Variants in FBN3 observed in about 807,000 individuals in gnomAD.
FBN3 encodes the protein fibrillin-3.
A neutral mutation model predicts 330.1 loss-of-function variants in FBN3; 234 were observed. The ratio of observed to expected loss-of-function variants is 0.71; its 90% CI spans 0.64 to 0.79. The LOEUF (loss-of-function observed/expected upper bound fraction) is 0.79, where lower values mean the gene tolerates loss of function less well. Among genes scored for constraint, FBN3 ranks in the 30% least tolerant of loss-of-function variants. FBN3 has a pLI of 0.00. For synonymous variants in FBN3, 1,458 were observed against 1,517.3 expected (o/e 0.96, Z 0.91); for missense variants, 3,606 against 3,886.9 (o/e 0.93, Z 1.92).
chr19:8,076,015 G>A (rs2145383587), intron 59 of FBN3, among the ~76,000 whole-genome samples: 1 of 152,274 alleles, frequency 6.6e-6, no homozygotes, highest in South Asian at 2.1e-4. Context: ...ATAAGGTCAT[G>A]AGGGTAGGGC....
Position 8,096,008 on chromosome 19 carries a change from AG to A in FBN3, c.5611del (p.Leu1871SerfsTer8). ...CKNIIGSYNC[L>X]CFPGFVVTHN... ...TGTCACCACAAAGCCAGGGAAGCAG[AG>A]GCAGTTGTAGGAGCCAATGATGTTC... On this transcript the variant is annotated frameshift_variant, in exon 45 of 64. Coordinates refer to ENST00000600128, the MANE Select transcript of FBN3 (RefSeq NM_032447.5). LOFTEE classifies it high-confidence loss of function. The surrounding 1 kb of genome is among the most constrained non-coding windows in gnomAD (Gnocchi z 4.6). 1 of 1,614,012 alleles carries A rather than the reference AG, an allele frequency of 6.2e-7. No individual in the cohort carries two copies.
intron 54 of FBN3, among the ~76,000 whole-genome samples, chr19:8,086,757 C>T (rs890413308): frequency 3.5e-4 from 53 of 151,488 alleles, no homozygotes; most frequent in Non-Finnish European, 6.9e-4. Flanking sequence ...CGTGAGGCAC[C>T]GTGCCCAGCC....
In FBN3 at chr19:8,072,198, C is replaced by T; in HGVS notation, c.7938G>A (p.Gly2646=). 1.3e-6 allele frequency: 2 copies of T among 1,535,196 alleles called. No individual in the cohort carries two copies. The highest frequency in any genetic ancestry group is 1.2e-5 in the South Asian group (1 of 80,484). The change falls in exon 63 of 64, where the codon GGG becomes GGA. Residue 2646 remains glycine, a splice_region_variant and synonymous_variant. Transcript: ENST00000600128. ...CPQGYFRAGQ[G]HCVSGLGFSP... ...TGAAGCCCAGGCCGGAGACACAGTGCCTGGGCCAGGATGGGCAGGGTGGAG... is the reference window on the plus strand; with the variant it reads ...TGAAGCCCAGGCCGGAGACACAGTGTCTGGGCCAGGATGGGCAGGGTGGAG...
intron 26 of FBN3, among the ~76,000 whole-genome samples, chr19:8,118,654 C>T (rs1254153581): frequency 1.3e-5 from 2 of 152,066 alleles, no homozygotes; most frequent in Admixed American, 1.3e-4. Context: ...TGCCCTTGTA[C>T]AGACACTCAC....
In FBN3 at chr19:8,081,091, G is replaced by C; in HGVS notation, c.7365C>G (p.His2455Gln). 6.2e-7 allele frequency: 1 copy of C among 1,613,826 alleles called. No individual in the cohort carries two copies. Among genetic ancestry groups the C allele is most frequent in the South Asian group, 1.1e-5 (1 of 91,080 alleles). Residue 2455 changes from histidine (H) to glutamine (Q), a missense_variant, in exon 59 of 64, where the codon CAC becomes CAG. Physicochemically the swap from His to Gln is conservative, Grantham distance 24. Coordinates refer to ENST00000600128, the MANE Select transcript of FBN3 (RefSeq NM_032447.5). ...TGTTGACACAGAGGAACTGACAGTT[G>C]TGCTGCCGGGAGGTGCATTCGTCCA... Reference protein sequence around the residue: ...KDLDECTSRQHNCQFLCVNTV... With the variant: ...KDLDECTSRQQNCQFLCVNTV...
At chr19:8,141,914 CA>C (rs1262321537) in intron 7 of FBN3, 25 bp downstream of exon 7, 1 of 1,613,158 alleles carries the variant, frequency 6.2e-7, no homozygotes, top group South Asian at 1.1e-5. Context: ...TAAGGCCTCC[CA>C]CTCAGCCCTG....
chr19:8,080,996 C>T lies in FBN3; in HGVS notation c.7453+7G>A, dbSNP rs766149664. ...TCACCTCCCGGTGAGGGGCAAGGGT[C>T]ACTCACCGAAGCAGGCCTGGTGGTG... On this transcript the variant is annotated splice_region_variant and intron_variant, in intron 59 of 63. Coordinates refer to ENST00000600128, the MANE Select transcript of FBN3 (RefSeq NM_032447.5). The T allele has an allele frequency of 5.0e-6, 8 of 1,594,080 alleles. No individual in the cohort carries two copies. In the Admixed American group the frequency reaches 1.3e-4, roughly 27 times the overall value.
intron 41 of FBN3, 30 bp from the exon 42 acceptor site, chr19:8,097,444 C>A: frequency 6.4e-7 from 1 of 1,571,816 alleles, no homozygotes; most frequent in Non-Finnish European, 8.7e-7. Context: ...TCAGGGGCAG[C>A]CCAGCCCCCT....
At chr19:8,139,108 G>A (rs899564013) in intron 8 of FBN3, among the ~76,000 whole-genome samples, 8 of 152,084 alleles carry the variant, frequency 5.3e-5, no homozygotes, top group Middle Eastern at 3.4e-3. Context: ...CAGCACTTTG[G>A]GAGGCTGAGG....
intron 40 of FBN3, among the ~76,000 whole-genome samples, chr19:8,101,402 T>C (rs2082325307): frequency 6.6e-6 from 1 of 152,206 alleles, no homozygotes; most frequent in Admixed American, 6.5e-5. Flanking sequence ...CAGCTCCTCC[T>C]GGTGCCTGGG....
Position 8,141,815 on chromosome 19 carries a change from C to A in FBN3, c.767G>T (p.Gly256Val), listed in dbSNP as rs751033333. Residue 256 changes from glycine (G) to valine (V), a missense_variant, in exon 8 of 64, where the codon GGC (glycine) becomes GTC (valine). Gly to Val is a moderately radical substitution (Grantham distance 109, BLOSUM62 -3). Transcript: ENST00000600128. The stretch of plus-strand genomic sequence containing the variant: ...GACGCAGCTGCCTCCCTGGCACAGG[C>A]CTGGCACAGCCTGGCACTCATCCAC... ...QDVDECQAVPGLCQGGSCVNM... is the reference protein window; with the variant it reads ...QDVDECQAVPVLCQGGSCVNM... The A allele has an allele frequency of 6.2e-7, 1 of 1,614,150 alleles. No homozygotes were observed. The highest frequency in any genetic ancestry group is 8.5e-7 in the Non-Finnish European group (1 of 1,180,012).
rs2081557584 is a variant in FBN3, at chr19:8,073,031, T to C, written c.7937+32A>G. The C allele has an allele frequency of 3.1e-6, 4 of 1,309,334 alleles. No individual in the cohort carries two copies. In the African/African-American group the frequency reaches 4.6e-5, roughly 15 times the overall value. The allele number at this position is 1,309,334 out of a possible 1,614,324, so 81.1% of individuals were successfully genotyped here. ...TGCGTGCATGGACGCTTGCGGGGCATGGAGTCTGCTTGCCCCACTCCAGCC... is the reference window on the plus strand; with the variant it reads ...TGCGTGCATGGACGCTTGCGGGGCACGGAGTCTGCTTGCCCCACTCCAGCC... On this transcript the variant is annotated intron_variant, in intron 62 of 63. Transcript: ENST00000600128.
At chr19:8,099,933 C>T (rs1397551811) in intron 41 of FBN3, among the ~76,000 whole-genome samples, 1 of 151,494 alleles carries the variant, frequency 6.6e-6, no homozygotes, top group Non-Finnish European at 1.5e-5. Flanking sequence ...TCGCTTGAAC[C>T]CAGGAGGCAG....
At chr19:8,098,757 A>AT (rs2082265404) in intron 41 of FBN3, among the ~76,000 whole-genome samples, 2 of 152,312 alleles carry the variant, frequency 1.3e-5, no homozygotes, top group South Asian at 4.1e-4. Flanking sequence ...AGTGTGTGGT[A>AT]TGTGAATTAT....
Position 8,138,467 on chromosome 19 carries a change from CCT to C in FBN3, c.961_962del (p.Arg321GlyfsTer11), listed in dbSNP as rs758335634. On this transcript the variant is annotated frameshift_variant, in exon 9 of 64. Transcript: ENST00000600128. LOFTEE classifies it high-confidence loss of function. ...CCGGGCCAGCTGCCCAGCACCTGCC[CCT>C]GTCACAGCAGCACTGCCTGCGAGTG... ...HYTRRQCCCDRGRCWAAGPVP... is the reference protein window; with the variant it reads ...HYTRRQCCCDXGRCWAAGPVP... The C allele has an allele frequency of 1.2e-6, 2 of 1,613,458 alleles. No homozygotes were observed. The highest frequency in any genetic ancestry group is 1.3e-5 in the African/African-American group (1 of 75,062).
intron 3 of FBN3, 52 bp from the exon 4 acceptor site, chr19:8,146,277 C>A: frequency 6.8e-7 from 1 of 1,477,372 alleles, no homozygotes; most frequent in Non-Finnish European, 9.3e-7. Flanking sequence ...CCTGGGCCGT[C>A]CCTGCTCCAT....
At chr19:8,106,069 G>A (rs374913056) in intron 38 of FBN3, 39 bp downstream of exon 38, 45 of 1,610,132 alleles carry the variant, frequency 2.8e-5, no homozygotes, top group African/African-American at 1.1e-4. Flanking sequence ...GGGAGAGAGC[G>A]GAAGAGCCTG....
rs781604784 is a variant in FBN3, at chr19:8,136,079, G to A, written c.1473C>T (p.Asp491=). 231 of 1,613,990 alleles carry A rather than the reference G, an allele frequency of 1.4e-4. 1 individual carries two copies. Among genetic ancestry groups the A allele is most frequent in the South Asian group, 1.1e-3 (97 of 91,058 alleles). ...TPTRQACVDV[D]ECIVSGGLCH... is the part of the protein sequence containing the mutation. Reference sequence around the variant, plus strand: ...AAAGGCCACCACTGACAATGCACTCGTCCACATCTGCGGGGAAGGCAGGCG... The same window carrying A: ...AAAGGCCACCACTGACAATGCACTCATCCACATCTGCGGGGAAGGCAGGCG... Residue 491 remains aspartate (D), a synonymous_variant, in exon 13 of 64, where the codon GAC becomes GAT. Transcript: ENST00000600128.
chr19:8,108,660 C>A (rs2082503618), intron 36 of FBN3, among the ~76,000 whole-genome samples: 2 of 152,112 alleles, frequency 1.3e-5, no homozygotes, highest in South Asian at 4.1e-4. Flanking sequence ...CCCTGTTTCA[C>A]ACCTGAGGCC....
Sources: gnomAD v4.1 joint callset for allele counts (sites outside exome capture counted in the v4.1 genomes callset) on GRCh38, gnomAD v4.1.1 for gene constraint, Gnocchi (gnomAD v3.1) non-coding constraint, MANE v1.5 for transcripts, NCBI Gene and HGNC (gene_info 2026-07-23, HGNC 2026-07-21) for gene names.